MON2: variants seen among roughly 807,000 people sequenced by gnomAD.
MON2 encodes MON2 regulator of endosome-to-Golgi trafficking, also known as protein MON2 homolog.
Under a neutral mutation model 208.6 loss-of-function variants are expected in MON2, and 84 were observed. The ratio of observed to expected loss-of-function variants is 0.40; its 90% confidence interval spans 0.34 to 0.48. The LOEUF (loss-of-function observed/expected upper bound fraction) is 0.48. MON2 is among the 20% of genes least tolerant of loss of function. The probability of loss-of-function intolerance (pLI) is 0.59; values close to 1 mark genes in which losing one functional copy is unlikely to be tolerated. For missense variants in MON2, 1,611 were observed against 2,015.4 expected, an observed-to-expected ratio of 0.80 and a Z score of 3.84; for synonymous variants, 660 against 694.0, an observed-to-expected ratio of 0.95 and a Z score of 0.77.
intron 22 of MON2, among the ~76,000 whole-genome samples, chr12:62,549,121 T>C (rs2073628280): frequency 6.6e-6 from 1 of 152,178 alleles, no homozygotes; most frequent in Non-Finnish European, 1.5e-5. Context: ...GTTAATACTT[T>C]ATTTTTAAAT....
At chr12:62,491,103 TG>T (rs2070105964) in intron 2 of MON2, among the ~76,000 whole-genome samples, 2 of 152,208 alleles carry the variant, frequency 1.3e-5, no homozygotes, top group South Asian at 4.1e-4. Flanking sequence ...TCAGTTGAGT[TG>T]CATGCATTGT....
intron 7 of MON2, among the ~76,000 whole-genome samples, chr12:62,506,555 G>A (rs771275635): frequency 3.9e-5 from 6 of 151,966 alleles, no homozygotes; most frequent in Admixed American, 6.6e-5. Context: ...GTGAAACCCC[G>A]TCTCTACTAA....
chr12:62,528,919 C>T (rs2072476072), intron 11 of MON2, among the ~76,000 whole-genome samples: 1 of 152,114 alleles, frequency 6.6e-6, no homozygotes, highest in African/African-American at 2.4e-5. Flanking sequence ...AAACATGTGT[C>T]ATGGGGATTT....
In MON2 at chr12:62,568,247, T is replaced by C. The variant is rs578053333; in HGVS notation, c.4323+1797T>C. ...AGAACCTGGGATATGTCTGAAAACA[T>C]AACTGTTGGTCTTCTAAGCCATCAT... On this transcript the variant is annotated intron_variant, in intron 29 of 34. Transcript: ENST00000393630. 2.6e-5 allele frequency among the ~76,000 whole-genome samples: 4 copies of C among 152,354 alleles called. No homozygotes were observed. The South Asian group carries it at 8.3e-4, about 32-fold the overall frequency.
At chr12:62,495,682 T>A (rs1261603451) in intron 4 of MON2, among the ~76,000 whole-genome samples, 8 of 108,484 alleles carry the variant, frequency 7.4e-5, no homozygotes, top group Non-Finnish European at 1.4e-4. Flanking sequence ...AGAGTGAGAC[T>A]CCGTCTCAAA....
intron 1 of MON2, among the ~76,000 whole-genome samples, chr12:62,472,655 T>C (rs897132028): frequency 2.0e-5 from 3 of 152,202 alleles, no homozygotes; most frequent in African/African-American, 7.2e-5. Flanking sequence ...GTGACAGGAT[T>C]TGCCATTTAA....
intron 2 of MON2, 50 bp downstream of exon 2, chr12:62,484,283 G>A: frequency 1.7e-6 from 2 of 1,178,262 alleles, no homozygotes; most frequent in Non-Finnish European, 2.4e-6. Flanking sequence ...TTGACTAATA[G>A]TAAAAGTAGA....
rs532061894 is a variant in MON2, at chr12:62,594,046, C to A, written c.*1297C>A. The A allele has an allele frequency of 5.7e-4, 86 of 152,156 alleles. No individual in the cohort carries two copies. Among genetic ancestry groups the A allele is most frequent in the African/African-American group, 2.0e-3 (83 of 41,532 alleles). The allele number at this position is 152,156 out of a possible 1,614,324, so 9.4% of individuals were successfully genotyped here. On this transcript the variant is annotated 3_prime_UTR_variant, in exon 35 of 35. Transcript: ENST00000393630. ...AAAATACTGACTTTGACCTAGCTCA[C>A]TGTATTTTTTATTTAATGGATTATG... is the stretch of plus-strand genomic sequence containing the variant.
chr12:62,558,820 C>T (rs2074093300), intron 25 of MON2, among the ~76,000 whole-genome samples: 2 of 151,624 alleles, frequency 1.3e-5, no homozygotes, highest in Non-Finnish European at 2.9e-5. Context: ...GCCTCGGCCT[C>T]TGAGTAGCTG....
At chr12:62,484,132 CA>C (rs751107444) in intron 1 of MON2, 37 bp from the exon 2 acceptor site, 6 of 1,386,488 alleles carry the variant, frequency 4.3e-6, no homozygotes, top group Non-Finnish European at 6.1e-6. Context: ...TTCATTTTGG[CA>C]GTAAATTTTG....
At chr12:62,492,395 C>G (rs1468475477) in intron 2 of MON2, among the ~76,000 whole-genome samples, 2 of 118,040 alleles carry the variant, frequency 1.7e-5, no homozygotes, top group Non-Finnish European at 3.4e-5. Context: ...GACGGAGTCT[C>G]GCTCTGTCGC....
At chr12:62,492,685 T>A (rs1189408579) in intron 2 of MON2, among the ~76,000 whole-genome samples, 15 of 140,248 alleles carry the variant, frequency 1.1e-4, no homozygotes, top group African/African-American at 3.8e-4. Flanking sequence ...GTTCTTATAA[T>A]AAAAAATAAT....
chr12:62,549,819 A>G lies in MON2; in HGVS notation c.2905A>G (p.Ile969Val), dbSNP rs534643590. Residue 969 changes from isoleucine (I) to valine (V), a missense_variant, in exon 23 of 35, where the codon ATA becomes GTA. Coordinates refer to ENST00000393630, the MANE Select transcript of MON2 (RefSeq NM_015026.3). The part of the protein sequence containing the change: ...NQELNISLTS[I>V]GLLWNISDYF... ...AGAACTCAATATTAGTTTAACTTCA[A>G]TAGGTTTATTGGTAAGTATCATTGT... 1.0e-5 allele frequency: 16 copies of G among 1,594,692 alleles called. No homozygotes were observed. The African/African-American group carries it at 1.6e-4, about 16-fold the overall frequency.
intron 15 of MON2, 74 bp downstream of exon 15, chr12:62,537,337 C>A: frequency 9.9e-7 from 1 of 1,009,310 alleles, no homozygotes; most frequent in Non-Finnish European, 1.5e-6. Flanking sequence ...TTGTGTTTGC[C>A]AAAATGTGTC....
intron 30 of MON2, among the ~76,000 whole-genome samples, chr12:62,573,353 C>T (rs1473852581): frequency 2.0e-5 from 3 of 148,896 alleles, no homozygotes; most frequent in Non-Finnish European, 4.4e-5. Flanking sequence ...TCTATATATG[C>T]TTAATGCCCC....
At chr12:62,468,745 C>A (rs1023653386) in intron 1 of MON2, among the ~76,000 whole-genome samples, 8 of 152,106 alleles carry the variant, frequency 5.3e-5, no homozygotes, top group African/African-American at 1.9e-4. Flanking sequence ...AAGAATTAGG[C>A]TGTTTTAGAG....
At position 62,537,219 on chromosome 12, in the gene MON2, G is replaced by T; in HGVS notation, c.1969G>T (p.Ala657Ser). ...PSSESHQQVVAVGQPLAVQPQ... is the reference protein window; with the variant it reads ...PSSESHQQVVSVGQPLAVQPQ... ...AAGTGAATCTCACCAACAAGTTGTG[G>T]CAGTGGGTCAACCTTTAGCAGTCCA... Residue 657 changes from alanine (A) to serine (S), a missense_variant, in exon 15 of 35, where the codon GCA (alanine) becomes TCA (serine). Coordinates refer to ENST00000393630, the MANE Select transcript of MON2 (RefSeq NM_015026.3). The T allele has an allele frequency of 1.2e-6, 2 of 1,613,512 alleles. No individual in the cohort carries two copies. The highest frequency in any genetic ancestry group is 8.5e-7 in the Non-Finnish European group (1 of 1,179,596).
intron 1 of MON2, among the ~76,000 whole-genome samples, chr12:62,471,252 G>T (rs898868487): frequency 6.6e-6 from 1 of 152,176 alleles, no homozygotes; most frequent in African/African-American, 2.4e-5. Flanking sequence ...GCACAATCTC[G>T]GCTCACTGCA....
Position 62,599,509 on chromosome 12 carries a change from C to T in MON2, c.*6760C>T, listed in dbSNP as rs575551600. On this transcript the variant is annotated 3_prime_UTR_variant, in exon 35 of 35. Coordinates refer to ENST00000393630, the MANE Select transcript of MON2 (RefSeq NM_015026.3). ...TATAGTTAAAATAATTTTTCTGATG[C>T]GTAATTTTAACCACCATTTCTGGAG... 3.3e-5 allele frequency: 5 copies of T among 152,244 alleles called. No homozygotes were observed. Among genetic ancestry groups the T allele is most frequent in the Admixed American group, 2.6e-4 (4 of 15,294 alleles). The allele number at this position is 152,244 out of a possible 1,614,324, so 9.4% of individuals were successfully genotyped here.
Sources: allele counts gnomAD v4.1 joint callset (sites outside exome capture counted in the v4.1 genomes callset), GRCh38; gene constraint gnomAD v4.1.1; transcripts MANE v1.5; gene names NCBI Gene and HGNC (gene_info 2026-07-23, HGNC 2026-07-21).